The following SPATA6L variants were observed in gnomAD, a reference collection of about 807,000 sequenced individuals.
The protein encoded by SPATA6L is spermatogenesis associated 6-like protein.
SPATA6L carries 68 observed loss-of-function variants against 49.2 expected under a neutral mutation model. The ratio of observed to expected loss-of-function variants is 1.38; its 90% CI spans 1.14 to 1.69. SPATA6L has a LOEUF of 1.69. Among genes scored for constraint, SPATA6L ranks in the 40% most tolerant of loss-of-function variants. The pLI is 0.00. For missense variants in SPATA6L, 668 were observed against 464.3 expected (o/e 1.44, Z -4.03); for synonymous variants, 198 against 165.7 (o/e 1.19, Z -1.50).
chr9:4,623,066 G>C (rs565703220), intron 6 of SPATA6L, among the ~76,000 whole-genome samples: 13 of 152,280 alleles, frequency 8.5e-5, no homozygotes, highest in African/African-American at 2.9e-4. Flanking sequence ...GATCACCTGA[G>C]GTCGGGAGTT....
downstream of SPATA6L, chr9:4,596,619 A>G (rs568918487): frequency 7.9e-5 from 12 of 152,332 alleles, no homozygotes; most frequent in African/African-American, 2.2e-4. Flanking sequence ...TAACATTTCA[A>G]TGACAGGAAA....
At position 4,659,020 on chromosome 9, in the gene SPATA6L, G is replaced by A. The variant is rs73395749; in HGVS notation, c.177+2879C>T. ...GATATAACTAATAAGAAAATTATTG[G>A]GATGGGGGAAAGACTGCACTTTTAC... On this transcript the variant is annotated intron_variant, in intron 2 of 11. Transcript: ENST00000682582. Among the ~76,000 whole-genome samples the A allele has an allele frequency of 4.0e-5, 6 of 151,566 alleles. No individual in the cohort carries two copies. In the East Asian group the frequency reaches 1.2e-3, roughly 29 times the overall value.
At chr9:4,592,585 T>C (rs115612903) in intron 13 of SPATA6L, among the ~76,000 whole-genome samples, 4 of 152,168 alleles carry the variant, frequency 2.6e-5, no homozygotes, top group South Asian at 4.1e-4. Flanking sequence ...TCACCAGGCA[T>C]TGTAAGGCAG....
chr9:4,629,013 T>C, intron 5 of SPATA6L, 78 bp downstream of exon 5: 1 of 991,310 alleles, frequency 1.0e-6, no homozygotes, highest in African/African-American at 1.7e-5. Context: ...CTTAATAAAC[T>C]GAGTTTGGGC....
At chr9:4,605,084 C>G (rs753843447) in intron 10 of SPATA6L, among the ~76,000 whole-genome samples, 1 of 152,052 alleles carries the variant, frequency 6.6e-6, no homozygotes, top group Non-Finnish European at 1.5e-5. Flanking sequence ...TTGATGAGTG[C>G]TGTGCACCAA....
At chr9:4,650,701 C>A (rs1275319019) in intron 3 of SPATA6L, among the ~76,000 whole-genome samples, 1 of 152,092 alleles carries the variant, frequency 6.6e-6, no homozygotes, top group Non-Finnish European at 1.5e-5. Context: ...GCTCTGTCGC[C>A]CAGGCTAGAG....
intron 4 of SPATA6L, among the ~76,000 whole-genome samples, chr9:4,634,632 G>C (rs139419517): frequency 3.3e-5 from 5 of 152,304 alleles, no homozygotes; most frequent in African/African-American, 1.2e-4. Context: ...ATTCTCAAAA[G>C]TGTGGCCTTT....
intron 3 of SPATA6L, among the ~76,000 whole-genome samples, chr9:4,650,984 G>A (rs1421051657): frequency 6.6e-6 from 1 of 152,018 alleles, no homozygotes; most frequent in African/African-American, 2.4e-5. Flanking sequence ...TTACAGGCAT[G>A]AGCCACCGTG....
chr9:4,609,270 G>C (rs866944167), intron 9 of SPATA6L, among the ~76,000 whole-genome samples: 3 of 151,262 alleles, frequency 2.0e-5, no homozygotes, highest in South Asian at 4.2e-4. Flanking sequence ...AATAGAAAAA[G>C]AGGGAATCCT....
At chr9:4,600,893 G>A (rs773459342) in intron 11 of SPATA6L, 84 bp from the exon 12 acceptor site, 1 of 152,196 alleles carries the variant, frequency 6.6e-6, no homozygotes, top group Non-Finnish European at 1.5e-5. Flanking sequence ...AAAAGATAAT[G>A]TCATACTACC....
At chr9:4,606,661 G>A (rs1276050239) in intron 9 of SPATA6L, among the ~76,000 whole-genome samples, 12 of 105,572 alleles carry the variant, frequency 1.1e-4, no homozygotes, top group Non-Finnish European at 2.3e-4. Context: ...CATCATCAAA[G>A]ACCAAAAGTA....
chr9:4,644,685 T>TCTCTCACACACACA (rs1438618515), intron 3 of SPATA6L, among the ~76,000 whole-genome samples: 11 of 107,756 alleles, frequency 1.0e-4, no homozygotes, highest in South Asian at 9.3e-4. Flanking sequence ...TCTCTCTCTC[T>TCTCTCACACACACA]CACACACACA....
chr9:4,641,771 T>C (rs1414282170), intron 3 of SPATA6L, among the ~76,000 whole-genome samples: 1 of 152,168 alleles, frequency 6.6e-6, no homozygotes, highest in Admixed American at 6.5e-5. Flanking sequence ...TCAAATTGTT[T>C]TGTTCTGTTT....
rs145349845 is a variant in SPATA6L, at chr9:4,599,041, G to C, written c.*1770C>G. Among the ~76,000 whole-genome samples, 35 of 152,274 alleles carry C rather than the reference G, an allele frequency of 2.3e-4. No individual in the cohort carries two copies. The highest frequency in any genetic ancestry group is 3.4e-3 in the Middle Eastern group (1 of 294). On this transcript the variant is annotated 3_prime_UTR_variant, in exon 12 of 12. Coordinates refer to ENST00000682582, the MANE Select transcript of SPATA6L (RefSeq NM_001353486.2). ...CACAATGAAGTATCTTCAGGATAGG[G>C]GATAGGACCCAAGTCTAAACACGAA...
chr9:4,616,133 C>T (rs781246971), intron 9 of SPATA6L, among the ~76,000 whole-genome samples: 14 of 151,988 alleles, frequency 9.2e-5, no homozygotes, highest in Admixed American at 3.3e-4. Flanking sequence ...GAAAATTAGC[C>T]GGGCATGCCG....
At chr9:4,613,003 G>A (rs1287196192) in intron 9 of SPATA6L, among the ~76,000 whole-genome samples, 2 of 152,050 alleles carry the variant, frequency 1.3e-5, no homozygotes, top group Admixed American at 6.6e-5. Flanking sequence ...TGAGGCGGGC[G>A]GATCTCTTGA....
chr9:4,650,616 G>T (rs1477925718), intron 3 of SPATA6L, among the ~76,000 whole-genome samples: 1 of 152,088 alleles, frequency 6.6e-6, no homozygotes, highest in Non-Finnish European at 1.5e-5. Context: ...ACTAAAATCA[G>T]AAATGAAAGA....
intron 7 of SPATA6L, among the ~76,000 whole-genome samples, chr9:4,620,208 T>C (rs1326947496): frequency 6.6e-6 from 1 of 151,852 alleles, no homozygotes; most frequent in East Asian, 1.9e-4. Context: ...CCTCATAACC[T>C]CCTTCTCATA....
Position 4,618,059 on chromosome 9 carries a change from A to G in SPATA6L, c.859T>C (p.Cys287Arg), listed in dbSNP as rs746145505. The change falls in exon 9 of 12, where the codon TGT becomes CGT. Residue 287 changes from cysteine (C) to arginine (R), a missense_variant. Cys to Arg is a radical substitution (Grantham distance 180). Coordinates refer to ENST00000682582, the MANE Select transcript of SPATA6L (RefSeq NM_001353486.2). The part of the protein sequence containing the change: ...RIVLRSDSSS[C>R]LDSSQFGKSS... ...TTTCCAAACTGACTTGAATCTAAAC[A>G]TGATGATGAGTCACTCCTTAAAACA... is the stretch of plus-strand genomic sequence containing the variant. The G allele has an allele frequency of 1.2e-6, 2 of 1,614,016 alleles. No homozygotes were observed. Among genetic ancestry groups the G allele is most frequent in the Non-Finnish European group, 8.5e-7 (1 of 1,179,948 alleles).
Sources: allele counts gnomAD v4.1 joint callset (sites outside exome capture counted in the v4.1 genomes callset), GRCh38; gene constraint gnomAD v4.1.1; transcripts MANE v1.5; gene names NCBI Gene and HGNC (gene_info 2026-07-23, HGNC 2026-07-21).